Variants in C4BPA observed in about 807,000 individuals in gnomAD.
C4BPA encodes complement component 4 binding protein alpha, also known as C4b-binding protein alpha chain.
C4BPA carries 31 observed loss-of-function variants against 63.7 expected under a neutral mutation model. The ratio of observed to expected loss-of-function variants is 0.49; its 90% CI spans 0.37 to 0.66. C4BPA has a LOEUF of 0.66. Among genes scored for constraint, C4BPA ranks in the 30% least tolerant of loss-of-function variants. The probability of loss-of-function intolerance (pLI) is 0.00; values close to 1 mark genes in which losing one functional copy is unlikely to be tolerated. For missense variants in C4BPA, 572 were observed against 723.3 expected, an observed-to-expected ratio of 0.79 and a Z score of 2.40; for synonymous variants, 259 against 254.7, an observed-to-expected ratio of 1.02 and a Z score of -0.16.
Position 207,126,961 on chromosome 1 carries a change from G to T in C4BPA, c.889+66G>T, listed in dbSNP as rs546556836. The T allele has an allele frequency of 9.4e-5, 111 of 1,182,624 alleles. No individual in the cohort carries two copies. In the East Asian group the frequency reaches 2.7e-3, roughly 29 times the overall value. 73.3% of individuals were successfully genotyped at this position (1,182,624 alleles called of 1,614,324 possible). On this transcript the variant is annotated intron_variant, in intron 7 of 11. Coordinates refer to ENST00000367070, the MANE Select transcript of C4BPA (RefSeq NM_000715.4). ...AAAGGTACCCCGTACTGTTAATACG[G>T]GTATACTTGCATGCATAGGCCTACT... is the stretch of plus-strand genomic sequence containing the variant.
rs778678820 is a variant in C4BPA, at chr1:207,134,580, T to C, written c.1261T>C (p.Ser421Pro). ...GDGTWSPRTPSCGDICNFPPK... is the reference protein window; with the variant it reads ...GDGTWSPRTPPCGDICNFPPK... ...TGGCACGTGGAGTCCCCGAACACCATCATGTGGAGACAGTAAGAGTTCATA... is the reference window on the plus strand; with the variant it reads ...TGGCACGTGGAGTCCCCGAACACCACCATGTGGAGACAGTAAGAGTTCATA... The change falls in exon 9 of 12, where the codon TCA becomes CCA. Residue 421 changes from serine (S) to proline (P), a missense_variant. Around this residue, in one of 2 missense-constraint regions of C4BPA, gnomAD observed 465 missense variants for 629.4 expected, o/e 0.74. Coordinates refer to ENST00000367070, the MANE Select transcript of C4BPA (RefSeq NM_000715.4). 1 of 1,611,592 alleles carries C rather than the reference T, an allele frequency of 6.2e-7. No homozygotes were observed. The highest frequency in any genetic ancestry group is 8.5e-7 in the Non-Finnish European group (1 of 1,177,970).
intron 10 of C4BPA, among the ~76,000 whole-genome samples, chr1:207,142,141 C>T (rs961791975): frequency 6.3e-5 from 9 of 143,878 alleles, no homozygotes; most frequent in Non-Finnish European, 1.2e-4. Flanking sequence ...CATTGTTCAA[C>T]TCCCACTTAT....
intron 2 of C4BPA, among the ~76,000 whole-genome samples, chr1:207,113,878 T>C (rs1684723442): frequency 6.6e-6 from 1 of 152,194 alleles, no homozygotes; most frequent in Admixed American, 6.5e-5. Context: ...TTATCATTAT[T>C]GTTTATTGTT....
intron 1 of C4BPA, among the ~76,000 whole-genome samples, chr1:207,112,668 A>T (rs923273959): frequency 1.3e-5 from 2 of 152,164 alleles, no homozygotes; most frequent in Non-Finnish European, 2.9e-5. Context: ...CATCTCAGAC[A>T]TTCAGCCAAA....
intron 3 of C4BPA, chr1:207,114,677 A>G: frequency 4.5e-6 from 1 of 224,010 alleles, no homozygotes; most frequent in South Asian, 6.2e-5. Context: ...TGTTTTAAGT[A>G]GATACAGGGT....
chr1:207,118,163 C>A (rs1558089350), intron 4 of C4BPA, among the ~76,000 whole-genome samples: 11 of 65,080 alleles, frequency 1.7e-4, no homozygotes, highest in Admixed American at 3.6e-4. Flanking sequence ...GTCTGTCTGT[C>A]TGTCTATCTA....
intron 6 of C4BPA, among the ~76,000 whole-genome samples, chr1:207,125,533 G>A (rs2102341845): frequency 6.6e-6 from 1 of 152,260 alleles, no homozygotes; most frequent in East Asian, 1.9e-4. Flanking sequence ...TCATGAATGG[G>A]ATTAGTGCCC....
intron 1 of C4BPA, among the ~76,000 whole-genome samples, chr1:207,108,862 A>G (rs1684611173): frequency 6.6e-6 from 1 of 152,078 alleles, no homozygotes; most frequent in Non-Finnish European, 1.5e-5. Flanking sequence ...AGCTGGGATT[A>G]CAGGCGTGCA....
chr1:207,139,157 A>C (rs1235179858), intron 9 of C4BPA, among the ~76,000 whole-genome samples: 1 of 152,228 alleles, frequency 6.6e-6, no homozygotes, highest in Non-Finnish European at 1.5e-5. Context: ...AAAGGAAAGA[A>C]GGGCCTCTGC....
At chr1:207,109,740 G>A (rs550577103) in intron 1 of C4BPA, among the ~76,000 whole-genome samples, 1 of 152,324 alleles carries the variant, frequency 6.6e-6, no homozygotes, top group African/African-American at 2.4e-5. Flanking sequence ...TGTGGAAGGA[G>A]GAGAACCAGT....
chr1:207,122,016 A>AT (rs1468282370), intron 4 of C4BPA, among the ~76,000 whole-genome samples: 1 of 151,928 alleles, frequency 6.6e-6, no homozygotes, highest in Non-Finnish European at 1.5e-5. Context: ...CCCTGTCTCT[A>AT]TTTTTTCTTA....
At chr1:207,138,347 A>G (rs969584427) in intron 9 of C4BPA, among the ~76,000 whole-genome samples, 5 of 152,212 alleles carry the variant, frequency 3.3e-5, no homozygotes, top group African/African-American at 1.2e-4. Flanking sequence ...TTGCCTGCTT[A>G]TAACCTGATG....
chr1:207,119,900 C>T lies in C4BPA; in HGVS notation c.429-4022C>T, dbSNP rs151221606. Among the ~76,000 whole-genome samples, 21 of 152,352 alleles carry T rather than the reference C, an allele frequency of 1.4e-4. No homozygotes were observed. The East Asian group carries it at 3.7e-3, about 27-fold the overall frequency. ...TCTTTGCCCTCAGCAAGCACTTCAT[C>T]TGTCGTTGGTTCCTTGCCCAATGGG... On this transcript the variant is annotated intron_variant, in intron 4 of 11. Coordinates refer to ENST00000367070, the MANE Select transcript of C4BPA (RefSeq NM_000715.4).
At chr1:207,115,611 A>G (rs569773253) in intron 4 of C4BPA, 96 bp downstream of exon 4, 1 of 633,610 alleles carries the variant, frequency 1.6e-6, no homozygotes, top group Admixed American at 3.9e-5. Flanking sequence ...ATGTAAAAAG[A>G]TAGACGTTGA....
intron 3 of C4BPA, among the ~76,000 whole-genome samples, chr1:207,114,930 T>C (rs1684751352): frequency 6.6e-6 from 1 of 152,202 alleles, no homozygotes; most frequent in Admixed American, 6.5e-5. Context: ...AAAGAGGCAA[T>C]GCAGTTTTCA....
At position 207,131,503 on chromosome 1, in the gene C4BPA, T is replaced by TA. The variant is rs558290223; in HGVS notation, c.890-41dup. ...TTATTGACTGCTGTGGCAGCCCTAG[T>TA]AATAGCGTCCTTTTGTTCTTCTTCT... On this transcript the variant is annotated intron_variant, in intron 7 of 11. Transcript: ENST00000367070. 4,268 of 1,427,968 alleles carry TA rather than the reference T, an allele frequency of 3.0e-3. 56 individuals carry two copies. Among genetic ancestry groups the TA allele is most frequent in the South Asian group, 0.027 (2,194 of 81,922 alleles). 88.5% of individuals were successfully genotyped at this position (1,427,968 alleles called of 1,614,324 possible).
intron 4 of C4BPA, among the ~76,000 whole-genome samples, chr1:207,117,870 C>A (rs1684836512): frequency 6.6e-6 from 1 of 152,096 alleles, no homozygotes; most frequent in African/African-American, 2.4e-5. Context: ...GTTTCAAGTG[C>A]TTTTAACTCA....
Position 207,126,717 on chromosome 1 carries a change from C to T in C4BPA, c.711C>T (p.Ile237=), listed in dbSNP as rs941974462. 6.2e-7 allele frequency: 1 copy of T among 1,605,248 alleles called. No individual in the cohort carries two copies. The change falls in exon 7 of 12, where the codon ATC becomes ATT. Residue 237 remains isoleucine (I), a synonymous_variant. Transcript: ENST00000367070. ...TCTTTTCTCATGATTCTTTAGAAAT[C>T]ACCTGTCGCAAGCCAGATGTTTCAC... is the stretch of plus-strand genomic sequence containing the variant. ...WRPSPPTCEK[I]TCRKPDVSHG...
rs148874560 is a variant in C4BPA, at chr1:207,115,579, G to A, written c.428+64G>A. The A allele has an allele frequency of 2.0e-3, 1,749 of 885,142 alleles. 22 individuals carry two copies. In the African/African-American group the frequency reaches 0.027, roughly 14 times the overall value. The allele number at this position is 885,142 out of a possible 1,614,324, so 54.8% of individuals were successfully genotyped here. On this transcript the variant is annotated intron_variant, in intron 4 of 11. Transcript: ENST00000367070. ...TATTTAAAAAATAGCTGAAGTGTTC[G>A]TATATTTCAAAATTTAAAATGATGT...
Sources: allele counts gnomAD v4.1 joint callset (sites outside exome capture counted in the v4.1 genomes callset), GRCh38; gene constraint gnomAD v4.1.1; regional missense constraint gnomAD v4.1.1; transcripts MANE v1.5; gene names NCBI Gene and HGNC (gene_info 2026-07-23, HGNC 2026-07-21).